TEK: variants seen among roughly 807,000 people sequenced by gnomAD.
The protein encoded by TEK is TEK receptor tyrosine kinase.
In TEK, 43 loss-of-function variants were observed where a neutral mutation model predicts 131.8. That is an observed-to-expected ratio of 0.33 (90% confidence interval 0.26 to 0.42). The LOEUF (loss-of-function observed/expected upper bound fraction) is 0.42, where lower values mean the gene tolerates loss of function less well. Ranked by LOEUF, TEK falls within the 10% of genes least tolerant of loss-of-function variation. The probability of loss-of-function intolerance (pLI) is 1.00; values close to 1 mark genes in which losing one functional copy is unlikely to be tolerated. For missense variants in TEK, 1,162 were observed against 1,384.4 expected, an observed-to-expected ratio of 0.84 and a Z score of 2.55; for synonymous variants, 580 against 491.6, an observed-to-expected ratio of 1.18 and a Z score of -2.38.
chr9:27,217,738 G>A lies in TEK; in HGVS notation c.3042G>A (p.Val1014=). The A allele has an allele frequency of 6.2e-7, 1 of 1,613,910 alleles. No individual in the cohort carries two copies. Among genetic ancestry groups the A allele is most frequent in the South Asian group, 1.1e-5 (1 of 91,066 alleles). Residue 1014 remains valine, a synonymous_variant, in exon 19 of 23, where the codon GTG becomes GTA. Coordinates refer to ENST00000380036, the MANE Select transcript of TEK (RefSeq NM_000459.5). The stretch of plus-strand genomic sequence containing the variant: ...CCATCGAGTCACTGAATTACAGTGT[G>A]TACACAACCAACAGTGATGTGTGAG... ...WMAIESLNYS[V]YTTNSDVWSY...
intron 18 of TEK, 76 bp from the exon 19 acceptor site, chr9:27,217,612 G>GTCTA: frequency 7.6e-7 from 1 of 1,312,252 alleles, no homozygotes; most frequent in Non-Finnish European, 1.1e-6. Context: ...CATTTGTGGA[G>GTCTA]CCACAGCTCA....
intron 1 of TEK, among the ~76,000 whole-genome samples, chr9:27,143,427 G>C (rs1822801936): frequency 1.3e-5 from 2 of 152,176 alleles, no homozygotes; most frequent in Admixed American, 6.5e-5. Context: ...AGCAGCCAGG[G>C]AGGGGGCACA....
intron 2 of TEK, among the ~76,000 whole-genome samples, chr9:27,161,689 G>A (rs994110367): frequency 6.6e-6 from 1 of 152,174 alleles, no homozygotes; most frequent in African/African-American, 2.4e-5. Context: ...GCAACCCAGG[G>A]CACAGAGTAG....
At chr9:27,168,451 A>T in intron 2 of TEK, 44 bp from the exon 3 acceptor site, 5 of 1,490,514 alleles carry the variant, frequency 3.4e-6, no homozygotes, top group Non-Finnish European at 4.7e-6. Flanking sequence ...CCTGGAGAAA[A>T]TGTGTGATCC....
intron 14 of TEK, among the ~76,000 whole-genome samples, chr9:27,205,746 G>A (rs1825377285): frequency 6.6e-6 from 1 of 152,102 alleles, no homozygotes; most frequent in Non-Finnish European, 1.5e-5. Context: ...AATGTATCTA[G>A]TTTGTGGGTT....
intron 1 of TEK, among the ~76,000 whole-genome samples, chr9:27,152,416 A>G (rs1371826801): frequency 6.8e-6 from 1 of 146,394 alleles, no homozygotes; most frequent in Non-Finnish European, 1.5e-5. Context: ...AATGTGGAAA[A>G]AAAAAAAAAA....
At chr9:27,224,348 C>T (rs12237473) in intron 21 of TEK, among the ~76,000 whole-genome samples, 50,198 of 151,968 alleles carry the variant, frequency 0.33, 9,400 homozygotes, top group Middle Eastern at 0.5. Context: ...AACATTGATG[C>T]GAAAATTCTC....
Position 27,229,397 on chromosome 9 carries a change from G to A in TEK, c.*165G>A. 1 of 716,080 alleles carries A rather than the reference G, an allele frequency of 1.4e-6. No homozygotes were observed. The highest frequency in any genetic ancestry group is 2.5e-6 in the Non-Finnish European group (1 of 394,954). The allele number at this position is 716,080 out of a possible 1,614,324, so 44.4% of individuals were successfully genotyped here. Reference sequence around the variant, plus strand: ...TAGATCCCATGCATGGATCTATGTAGTATGCTCTGACTCTAATAGGACTGT... The same window carrying A: ...TAGATCCCATGCATGGATCTATGTAATATGCTCTGACTCTAATAGGACTGT... On this transcript the variant is annotated 3_prime_UTR_variant, in exon 23 of 23. Transcript: ENST00000380036.
chr9:27,168,986 G>T (rs1189632777), intron 3 of TEK, among the ~76,000 whole-genome samples: 3 of 152,212 alleles, frequency 2.0e-5, no homozygotes, highest in African/African-American at 7.2e-5. Context: ...CAGTCCAACT[G>T]TGTAATCCAA....
At chr9:27,188,306 C>G (rs1031571623) in intron 9 of TEK, among the ~76,000 whole-genome samples, 2 of 152,140 alleles carry the variant, frequency 1.3e-5, no homozygotes, top group African/African-American at 2.4e-5. Flanking sequence ...GGTAAAGTCC[C>G]TTGAGCTAAA....
chr9:27,113,380 A>G (rs576041316), intron 1 of TEK, among the ~76,000 whole-genome samples: 4 of 152,192 alleles, frequency 2.6e-5, no homozygotes, highest in African/African-American at 7.2e-5. Flanking sequence ...CATGAGGTCA[A>G]GAGATCAAGA....
In TEK at chr9:27,228,275, G is replaced by T. The variant is rs1335254771; in HGVS notation, c.3270G>T (p.Val1090=). 2.5e-6 allele frequency: 4 copies of T among 1,612,998 alleles called. No individual in the cohort carries two copies. Among genetic ancestry groups the T allele is most frequent in the Non-Finnish European group, 3.4e-6 (4 of 1,179,196 alleles). The change falls in exon 22 of 23, where the codon GTG becomes GTT. Residue 1090 remains valine, a synonymous_variant. Coordinates refer to ENST00000380036, the MANE Select transcript of TEK (RefSeq NM_000459.5). ...YERPSFAQIL[V]SLNRMLEERK... ...GGCCATCATTTGCCCAGATATTGGT[G>T]TCCTTAAACAGAATGTTAGAGGAGC... is the stretch of plus-strand genomic sequence containing the variant.
intron 1 of TEK, among the ~76,000 whole-genome samples, chr9:27,151,187 G>T (rs1489203063): frequency 6.6e-6 from 1 of 152,148 alleles, no homozygotes; most frequent in Non-Finnish European, 1.5e-5. Flanking sequence ...AGAAGTTATT[G>T]CTCAGAGACT....
chr9:27,207,701 C>G (rs1354031433), intron 15 of TEK, among the ~76,000 whole-genome samples: 8 of 152,140 alleles, frequency 5.3e-5, no homozygotes, highest in African/African-American at 1.7e-4. Context: ...GAACTATTAT[C>G]ATTGTGCAGC....
chr9:27,220,213 ACT>A, intron 21 of TEK, 68 bp downstream of exon 21: 10 of 1,513,144 alleles, frequency 6.6e-6, no homozygotes, highest in African/African-American at 1.4e-5. Flanking sequence ...GGGCCAGCTG[ACT>A]CTAGCAAAGT....
At chr9:27,173,143 G>A (rs1824028403) in intron 5 of TEK, 79 bp from the exon 6 acceptor site, 2 of 1,570,470 alleles carry the variant, frequency 1.3e-6, no homozygotes, top group Non-Finnish European at 1.7e-6. Flanking sequence ...ACTAGACTAG[G>A]AGAAATGAAT....
chr9:27,144,091 G>A lies in TEK; in HGVS notation c.53-13740G>A, dbSNP rs368598479. Among the ~76,000 whole-genome samples, 14 of 152,326 alleles carry A rather than the reference G, an allele frequency of 9.2e-5. No individual in the cohort carries two copies. In the South Asian group the frequency reaches 2.1e-3, roughly 23 times the overall value. On this transcript the variant is annotated intron_variant, in intron 1 of 22. Coordinates refer to ENST00000380036, the MANE Select transcript of TEK (RefSeq NM_000459.5). ...GAGGTCAAGAGATCGATACCATCCT[G>A]GCCAACATGGTGAAACCCTGTCTCT...
intron 1 of TEK, among the ~76,000 whole-genome samples, chr9:27,149,067 A>ATAAAG (rs112727996): frequency 0.012 from 1,872 of 152,318 alleles, 53 homozygotes; most frequent in African/African-American, 0.043. Context: ...GCCCATAGTA[A>ATAAAG]TAAAGGTTTA....
Position 27,183,597 on chromosome 9 carries a change from G to C in TEK, c.1169G>C (p.Gly390Ala). ...NEEMTLVKPDGTVLHPKDFNH... is the reference protein window; with the variant it reads ...NEEMTLVKPDATVLHPKDFNH... ...GAAATGACCCTGGTGAAGCCGGATG[G>C]GACAGTGCTCCATGTAAGAGCCATT... Residue 390 changes from glycine to alanine, a missense_variant, in exon 8 of 23, where the codon GGG becomes GCG. Gly to Ala is a moderately conservative substitution (Grantham distance 60). Transcript: ENST00000380036. 6.2e-7 allele frequency: 1 copy of C among 1,613,836 alleles called. No individual in the cohort carries two copies. Among genetic ancestry groups the C allele is most frequent in the Non-Finnish European group, 8.5e-7 (1 of 1,179,808 alleles).
Sources: allele counts gnomAD v4.1 joint callset (sites outside exome capture counted in the v4.1 genomes callset), GRCh38; gene constraint gnomAD v4.1.1; transcripts MANE v1.5; gene names NCBI Gene and HGNC (gene_info 2026-07-23, HGNC 2026-07-21).